The following LAMTOR4 variants were observed in gnomAD, a reference collection of about 807,000 sequenced individuals.
LAMTOR4 encodes the protein late endosomal/lysosomal adaptor, MAPK and MTOR activator 4.
LAMTOR4 carries 11 observed loss-of-function variants against 13.5 expected under a neutral mutation model. The observed-to-expected ratio is 0.82, with a 90% CI of 0.51 to 1.35. The LOEUF (loss-of-function observed/expected upper bound fraction) is 1.35, where lower values mean the gene tolerates loss of function less well. LAMTOR4 is among the 40% of genes most tolerant of loss of function. The probability of loss-of-function intolerance (pLI) is 0.00; values close to 1 mark genes in which losing one functional copy is unlikely to be tolerated. For missense variants in LAMTOR4, 128 were observed against 126.2 expected (o/e 1.01, Z -0.07); for synonymous variants, 69 against 52.3 (o/e 1.32, Z -1.38).
At chr7:100,151,229 C>G (rs1268399591) in intron 2 of LAMTOR4, among the ~76,000 whole-genome samples, 1 of 151,622 alleles carries the variant, frequency 6.6e-6, no homozygotes, top group Non-Finnish European at 1.5e-5. Context: ...TGTGCACCAC[C>G]ATGCCCAGCT....
chr7:100,153,941 G>A lies in LAMTOR4; in HGVS notation c.277G>A (p.Gly93Ser), dbSNP rs1255528578. The A allele has an allele frequency of 1.3e-6, 2 of 1,591,386 alleles. No individual in the cohort carries two copies. The highest frequency in any genetic ancestry group is 2.3e-5 in the East Asian group (1 of 44,190). The change falls in exon 4 of 4, where the codon GGT becomes AGT. Residue 93 changes from glycine to serine, a missense_variant. Coordinates refer to ENST00000341942, the MANE Select transcript of LAMTOR4 (RefSeq NM_001008395.4). Reference protein sequence around the residue: ...RVFVVKRQNRGREPIDV With the variant: ...RVFVVKRQNRSREPIDV ...GTTTGTGGTGAAGAGGCAGAACCGA[G>A]GTCGGGAGCCCATTGATGTCTGAGC...
chr7:100,151,422 T>C (rs1260283506), intron 2 of LAMTOR4, among the ~76,000 whole-genome samples: 1 of 151,640 alleles, frequency 6.6e-6, no homozygotes, highest in Non-Finnish European at 1.5e-5. Context: ...GGAGTCTCAC[T>C]CTGTCACCCA....
intron 2 of LAMTOR4, chr7:100,149,925 G>GC (rs757447695): frequency 3.9e-4 from 72 of 183,928 alleles, no homozygotes; most frequent in Non-Finnish European, 7.3e-4. Context: ...ATAGGCACGT[G>GC]CCACCATGCT....
chr7:100,148,934 C>CGT lies in LAMTOR4; in HGVS notation c.-39_-38insGT. On this transcript the variant is annotated 5_prime_UTR_variant, in exon 1 of 4. Transcript: ENST00000341942. ...GACCGGGGCCTGAAGCCGGAAGCTA[C>CGT]CTATCTGGTAGGGAGCTCCCCCAGC... The CGT allele has an allele frequency of 6.2e-7, 1 of 1,612,028 alleles. No homozygotes were observed. The highest frequency in any genetic ancestry group is 2.2e-5 in the East Asian group (1 of 44,876).
At chr7:100,149,072 C>G in intron 1 of LAMTOR4, 97 bp downstream of exon 1, 2 of 1,443,104 alleles carry the variant, frequency 1.4e-6, no homozygotes, top group Non-Finnish European at 1.9e-6. Context: ...GCGCTCCACC[C>G]TCACCTCCTA....
At chr7:100,153,643 C>T in intron 3 of LAMTOR4, 126 bp downstream of exon 3, 1 of 880,308 alleles carries the variant, frequency 1.1e-6, no homozygotes, top group East Asian at 2.4e-5. Context: ...CACTTTCCTC[C>T]CTTTGGGACT....
At chr7:100,153,368 C>A in intron 2 of LAMTOR4, 32 bp from the exon 3 acceptor site, 1 of 1,472,912 alleles carries the variant, frequency 6.8e-7, no homozygotes, top group South Asian at 1.1e-5. Context: ...TGCCGTAATG[C>A]CCGCCCCTCT....
Position 100,153,852 on chromosome 7 carries a change from G to A in LAMTOR4, c.203-15G>A. On this transcript the variant is annotated splice_polypyrimidine_tract_variant and intron_variant, in intron 3 of 3. Coordinates refer to ENST00000341942, the MANE Select transcript of LAMTOR4 (RefSeq NM_001008395.4). Reference sequence around the variant, plus strand: ...TCCCTCTCCTGGGGCGGGGGAAGGTGTGTCTCTCCTCCAGTGGTCTTTGGA... The same window carrying A: ...TCCCTCTCCTGGGGCGGGGGAAGGTATGTCTCTCCTCCAGTGGTCTTTGGA... 1 of 1,544,462 alleles carries A rather than the reference G, an allele frequency of 6.5e-7. No homozygotes were observed. Among genetic ancestry groups the A allele is most frequent in the Non-Finnish European group, 8.8e-7 (1 of 1,136,164 alleles).
At chr7:100,153,082 C>A (rs1377285408) in intron 2 of LAMTOR4, among the ~76,000 whole-genome samples, 1 of 151,596 alleles carries the variant, frequency 6.6e-6, no homozygotes, top group African/African-American at 2.4e-5. Context: ...ATCACTTGAA[C>A]CCGAGAGGCC....
At chr7:100,149,607 C>G (rs981470752) in intron 2 of LAMTOR4, 28 bp downstream of exon 2, 21 of 1,565,152 alleles carry the variant, frequency 1.3e-5, no homozygotes, top group Admixed American at 3.3e-5. Context: ...GAGGGGGTCC[C>G]TTAGTGCACA....
In LAMTOR4 at chr7:100,153,885, C is replaced by T. The variant is rs1466315755; in HGVS notation, c.221C>T (p.Thr74Ile). Residue 74 changes from threonine (T) to isoleucine (I), a missense_variant, in exon 4 of 4, where the codon ACA (threonine) becomes ATA (isoleucine). Transcript: ENST00000341942. ...CCTCCAGTGGTCTTTGGAGAACACA[C>T]ACTGCTGGTGACGGTGTCAGGACAG... is the stretch of plus-strand genomic sequence containing the variant. Reference protein sequence around the residue: ...KRLSVVFGEHTLLVTVSGQRV... With the variant: ...KRLSVVFGEHILLVTVSGQRV... 9 of 1,584,452 alleles carry T rather than the reference C, an allele frequency of 5.7e-6. No homozygotes were observed. The Admixed American group carries it at 1.1e-4, about 19-fold the overall frequency.
chr7:100,150,340 C>A (rs1205194816), intron 2 of LAMTOR4, among the ~76,000 whole-genome samples: 1 of 152,190 alleles, frequency 6.6e-6, no homozygotes, highest in Admixed American at 6.5e-5. Flanking sequence ...ATTAAAAATT[C>A]AACATGTTAT....
At chr7:100,149,860 C>T (rs1562948514) in intron 2 of LAMTOR4, 1 of 259,494 alleles carries the variant, frequency 3.9e-6, no homozygotes, top group Non-Finnish European at 7.6e-6. Flanking sequence ...ACTGCAACCT[C>T]CGCCTCCGGG....
Position 100,150,164 on chromosome 7 carries a change from C to T in LAMTOR4, c.84+585C>T, listed in dbSNP as rs560386422. Among the ~76,000 whole-genome samples, 11 of 152,216 alleles carry T rather than the reference C, an allele frequency of 7.2e-5. No homozygotes were observed. The South Asian group carries it at 2.3e-3, about 32-fold the overall frequency. ...TCTCTAGATTACAGGCGTGAGCCAC[C>T]ACGTCTGGCCTTTATTTGGTATTTC... On this transcript the variant is annotated intron_variant, in intron 2 of 3. Transcript: ENST00000341942.
Position 100,149,060 on chromosome 7 carries a change from C to T in LAMTOR4, c.3+85C>T, listed in dbSNP as rs545707884. Reference sequence around the variant, plus strand: ...TCTGTGTGGTTTCCCCCTGGTGGGCCTGCGCTCCACCCTCACCTCCTATCC... The same window carrying T: ...TCTGTGTGGTTTCCCCCTGGTGGGCTTGCGCTCCACCCTCACCTCCTATCC... On this transcript the variant is annotated intron_variant, in intron 1 of 3. Transcript: ENST00000341942. The T allele has an allele frequency of 4.0e-6, 6 of 1,515,700 alleles. 1 individual carries two copies. In the African/African-American group the frequency reaches 4.1e-5, roughly 10 times the overall value. 93.9% of individuals were successfully genotyped at this position (1,515,700 alleles called of 1,614,324 possible). A position where few individuals can be genotyped will look rare whatever the true frequency, so the allele number is the denominator to read the frequency against.
chr7:100,149,763 A>C, intron 2 of LAMTOR4, 184 bp downstream of exon 2: 2 of 503,054 alleles, frequency 4.0e-6, no homozygotes, highest in African/African-American at 1.9e-5. Context: ...TAGTCTCCTA[A>C]CGGCTGCGAT....
At chr7:100,153,190 GGAA>G (rs1012839929) in intron 2 of LAMTOR4, among the ~76,000 whole-genome samples, 18 of 152,066 alleles carry the variant, frequency 1.2e-4, no homozygotes, top group Non-Finnish European at 2.9e-5. Context: ...GCTCATCCGG[GGAA>G]GGCCAGTATT....
Position 100,153,472 on chromosome 7 carries a change from T to G in LAMTOR4, c.157T>G (p.Phe53Val). ...TGAGCTGGTCAGCACAGCCTGCGGT[T>G]TCCGGCTGCACCGCGGCATGAATGT... ...ISELVSTACG[F>V]RLHRGMNVPF... The change falls in exon 3 of 4, where the codon TTC becomes GTC. Residue 53 changes from phenylalanine to valine, a missense_variant. By Grantham distance (50) the Phe-to-Val change is conservative. Transcript: ENST00000341942. 3 of 1,610,076 alleles carry G rather than the reference T, an allele frequency of 1.9e-6. No homozygotes were observed. Among genetic ancestry groups the G allele is most frequent in the Non-Finnish European group, 2.5e-6 (3 of 1,179,992 alleles).
Position 100,153,421 on chromosome 7 carries a change from G to A in LAMTOR4, c.106G>A (p.Asp36Asn). The A allele has an allele frequency of 6.2e-7, 1 of 1,611,388 alleles. No homozygotes were observed. The highest frequency in any genetic ancestry group is 8.5e-7 in the Non-Finnish European group (1 of 1,179,670). The change falls in exon 3 of 4, where the codon GAT becomes AAT. Residue 36 changes from aspartate to asparagine, a missense_variant. Asp to Asn is a conservative substitution (Grantham distance 23). Coordinates refer to ENST00000341942, the MANE Select transcript of LAMTOR4 (RefSeq NM_001008395.4). ...VLASSGDLEN[D>N]EQAASAISEL... The stretch of plus-strand genomic sequence containing the variant: ...GCAGTCATCTGGGGACCTGGAGAAT[G>A]ATGAGCAGGCAGCCAGTGCCATCTC...
Sources: allele counts gnomAD v4.1 joint callset (sites outside exome capture counted in the v4.1 genomes callset), GRCh38; gene constraint gnomAD v4.1.1; transcripts MANE v1.5; gene names NCBI Gene and HGNC (gene_info 2026-07-23, HGNC 2026-07-21).